Variants in DCBLD2 observed in about 807,000 individuals in gnomAD.
DCBLD2 encodes discoidin, CUB and LCCL domain-containing protein 2.
Under a neutral mutation model 86.8 loss-of-function variants are expected in DCBLD2, and 54 were observed. That is an observed-to-expected ratio of 0.62 (90% CI 0.50 to 0.78). DCBLD2 has a LOEUF of 0.78. Ranked by LOEUF, DCBLD2 falls within the 30% of genes least tolerant of loss-of-function variation. DCBLD2 has a pLI of 0.00. For synonymous variants in DCBLD2, 354 were observed against 341.3 expected (o/e 1.04, Z -0.41); for missense variants, 908 against 954.2 (o/e 0.95, Z 0.64).
At chr3:98,834,835 G>T (rs1942399868) in intron 3 of DCBLD2, among the ~76,000 whole-genome samples, 1 of 152,382 alleles carries the variant, frequency 6.6e-6, no homozygotes, top group East Asian at 1.9e-4. Context: ...CCCTCAGTCT[G>T]AACTGCTTTG....
At chr3:98,894,529 C>T (rs1031608015) in intron 1 of DCBLD2, among the ~76,000 whole-genome samples, 7 of 152,118 alleles carry the variant, frequency 4.6e-5, no homozygotes, top group Non-Finnish European at 1.0e-4. Context: ...GTAGGCATGT[C>T]TATTTTCAGA....
intron 3 of DCBLD2, among the ~76,000 whole-genome samples, chr3:98,835,938 C>CTTTCTTTTTTTTTTTTTTTT (rs56279917): frequency 8.7e-6 from 1 of 115,054 alleles, no homozygotes; most frequent in African/African-American, 3.4e-5. Context: ...TCCTTTCTTT[C>CTTTCTTTTTTTTTTTTTTTT]TTTTTTTTTT....
intron 14 of DCBLD2, 94 bp downstream of exon 14, chr3:98,801,506 C>A: frequency 3.1e-6 from 3 of 969,914 alleles, no homozygotes; most frequent in Non-Finnish European, 4.6e-6. Context: ...GGGAGTTCAC[C>A]TGGGCCAGAG....
chr3:98,850,332 T>TAAAC (rs1429447671), intron 2 of DCBLD2, among the ~76,000 whole-genome samples: 13 of 152,280 alleles, frequency 8.5e-5, no homozygotes, highest in African/African-American at 2.6e-4. Flanking sequence ...AATCAACCAA[T>TAAAC]AAACAAACAA....
rs1438562703 is a variant in DCBLD2, at chr3:98,812,375, A to C, written c.1320T>G (p.Ile440Met). 1 of 1,613,528 alleles carries C rather than the reference A, an allele frequency of 6.2e-7. No homozygotes were observed. Among genetic ancestry groups the C allele is most frequent in the South Asian group, 1.1e-5 (1 of 91,066 alleles). The change falls in exon 10 of 16, where the codon ATT (isoleucine) becomes ATG (methionine). Residue 440 changes from isoleucine (I) to methionine (M), a missense_variant. Coordinates refer to ENST00000326840, the MANE Select transcript of DCBLD2 (RefSeq NM_080927.4). ...ATCCGAGCAGCTCCATTTTCATGGC[A>C]ATTTTCTGCTGCCATTGGGTAGGAT... ...RVNPTQWQQK[I>M]AMKMELLGCQ...
chr3:98,844,334 T>C (rs2107478041), intron 3 of DCBLD2, among the ~76,000 whole-genome samples: 1 of 117,980 alleles, frequency 8.5e-6, no homozygotes, highest in African/African-American at 3.2e-5. Context: ...GAATAAAATG[T>C]CAGTAGCATT....
At chr3:98,896,855 C>T (rs987290692) in intron 1 of DCBLD2, among the ~76,000 whole-genome samples, 2 of 152,146 alleles carry the variant, frequency 1.3e-5, no homozygotes, top group Non-Finnish European at 2.9e-5. Flanking sequence ...TTTTCCTCAT[C>T]CTTCTACTGT....
intron 3 of DCBLD2, among the ~76,000 whole-genome samples, chr3:98,846,836 G>A (rs1576178787): frequency 6.6e-6 from 1 of 152,032 alleles, no homozygotes; most frequent in Admixed American, 6.5e-5. Context: ...GTTTCTGTGG[G>A]CCAAAAAGCC....
chr3:98,828,485 A>G (rs984813911), intron 3 of DCBLD2, among the ~76,000 whole-genome samples: 1 of 152,230 alleles, frequency 6.6e-6, no homozygotes, highest in Non-Finnish European at 1.5e-5. Context: ...CATCAGGGAA[A>G]TGCAAATTAA....
chr3:98,803,785 T>A (rs1303198614), intron 13 of DCBLD2, among the ~76,000 whole-genome samples: 1 of 152,244 alleles, frequency 6.6e-6, no homozygotes, highest in Non-Finnish European at 1.5e-5. Context: ...AGGCCTTTTC[T>A]GCATTTATTG....
At chr3:98,838,766 T>C (rs1942540198) in intron 3 of DCBLD2, among the ~76,000 whole-genome samples, 1 of 152,112 alleles carries the variant, frequency 6.6e-6, no homozygotes, top group East Asian at 1.9e-4. Context: ...CATTGAGCAC[T>C]GAGTGAACGA....
intron 1 of DCBLD2, among the ~76,000 whole-genome samples, chr3:98,895,694 C>A (rs757627697): frequency 5.7e-4 from 87 of 152,148 alleles, no homozygotes; most frequent in Non-Finnish European, 1.1e-3. Context: ...TAGGCGTCTC[C>A]TGCTTCTCCA....
chr3:98,831,485 T>C (rs1452843494), intron 3 of DCBLD2, among the ~76,000 whole-genome samples: 1 of 152,180 alleles, frequency 6.6e-6, no homozygotes, highest in Non-Finnish European at 1.5e-5. Flanking sequence ...ATTTTGATTA[T>C]ACATATTCTG....
chr3:98,861,150 G>T (rs1196535224), intron 2 of DCBLD2, among the ~76,000 whole-genome samples: 1 of 152,098 alleles, frequency 6.6e-6, no homozygotes, highest in African/African-American at 2.4e-5. Context: ...AATGGTAAAG[G>T]GATCAATTCA....
rs558753052 is a variant in DCBLD2 at position 98,818,692 on chromosome 3, A to C, written c.1087+510T>G. Among the ~76,000 whole-genome samples the C allele has an allele frequency of 3.9e-5, 6 of 152,276 alleles. No individual in the cohort carries two copies. In the South Asian group the frequency reaches 1.2e-3, roughly 32 times the overall value. On this transcript the variant is annotated intron_variant, in intron 8 of 15. Transcript: ENST00000326840. ...GCCAGAATAAAAACAGGCAGAAGAAAATGTGAAAAGACTAAACTGGCTTAA... is the reference window on the plus strand; with the variant it reads ...GCCAGAATAAAAACAGGCAGAAGAACATGTGAAAAGACTAAACTGGCTTAA...
chr3:98,848,989 T>C (rs1942779848), intron 3 of DCBLD2, among the ~76,000 whole-genome samples: 1 of 152,052 alleles, frequency 6.6e-6, no homozygotes, highest in East Asian at 1.9e-4. Flanking sequence ...GGCCAACATG[T>C]AGAAACCCCA....
chr3:98,885,495 A>C (rs537741978), intron 1 of DCBLD2, among the ~76,000 whole-genome samples: 3 of 152,090 alleles, frequency 2.0e-5, no homozygotes, highest in African/African-American at 4.8e-5. Flanking sequence ...ATGACCCACT[A>C]AAGTATTTCA....
chr3:98,901,335 C>T lies in DCBLD2; in HGVS notation c.-9G>A, dbSNP rs1313359758. ...ACCGCCCGGCTCGCCATCGCGGCGG[C>T]CGGCAGTCTGCCTGCATAGTGCGGG... is the stretch of plus-strand genomic sequence containing the variant. On this transcript the variant is annotated 5_prime_UTR_variant, in exon 1 of 16. Coordinates refer to ENST00000326840, the MANE Select transcript of DCBLD2 (RefSeq NM_080927.4). 4 of 1,399,990 alleles carry T rather than the reference C, an allele frequency of 2.9e-6. No homozygotes were observed. The highest frequency in any genetic ancestry group is 9.2e-7 in the Non-Finnish European group (1 of 1,089,230). 86.7% of individuals were successfully genotyped at this position (1,399,990 alleles called of 1,614,324 possible).
At chr3:98,858,162 C>T (rs1275425501) in intron 2 of DCBLD2, among the ~76,000 whole-genome samples, 5 of 152,246 alleles carry the variant, frequency 3.3e-5, no homozygotes, top group Non-Finnish European at 7.3e-5. Context: ...CAGCTGCTGG[C>T]CCAGGTGCTA....
Sources: gnomAD v4.1 joint callset for allele counts (sites outside exome capture counted in the v4.1 genomes callset) on GRCh38, gnomAD v4.1.1 for gene constraint, MANE v1.5 for transcripts, NCBI Gene and HGNC (gene_info 2026-07-23, HGNC 2026-07-21) for gene names.